Variants in PUF60 observed in about 807,000 individuals in gnomAD.
The protein encoded by PUF60 is poly(U)-binding-splicing factor PUF60.
PUF60 carries 10 observed loss-of-function variants against 61.8 expected under a neutral mutation model. The observed-to-expected ratio is 0.16, with a 90% confidence interval of 0.10 to 0.27. The LOEUF (loss-of-function observed/expected upper bound fraction) is 0.27, where lower values mean the gene tolerates loss of function less well. Among genes scored for constraint, PUF60 ranks in the 10% least tolerant of loss-of-function variants. The probability of loss-of-function intolerance (pLI) is 1.00; values close to 1 mark genes in which losing one functional copy is unlikely to be tolerated. For synonymous variants in PUF60, 353 were observed against 300.9 expected (o/e 1.17, Z -1.79); for missense variants, 371 against 754.0 (o/e 0.49, Z 5.95).
rs878902713 is a variant in PUF60, at chr8:143,817,269, G to C, written c.1144+62C>G. On this transcript the variant is annotated intron_variant, in intron 10 of 11. Transcript: ENST00000526683. The surrounding 1 kb of genome is among the most constrained non-coding windows in gnomAD (Gnocchi z 7.4). ...AGACCACCAGGGCCAGGCAGCTGAG[G>C]GCAGCGAGCCGAGAGATGCCAGGAC... The C allele has an allele frequency of 3.5e-5, 54 of 1,546,842 alleles. No individual in the cohort carries two copies. In the South Asian group the frequency reaches 6.2e-4, roughly 18 times the overall value.
intron 1 of PUF60, chr8:143,824,874 C>T (rs1817469832): frequency 5.5e-6 from 1 of 180,950 alleles, no homozygotes; most frequent in Non-Finnish European, 1.2e-5. Flanking sequence ...CAGTTCTCTC[C>T]TGAAGACACT....
rs1488913231 is a variant in PUF60, at chr8:143,818,852, T to G, written c.349-318A>C. ...CCTCCCACCCAGACCACCCCTCCAG[T>G]CTGGGGGCTGGGTATCCCAGGCTGG... On this transcript the variant is annotated intron_variant, in intron 5 of 11. Transcript: ENST00000526683. This position sits in a 1 kb window ranked among gnomAD's most constrained non-coding sequence, Gnocchi z 7.9. 2.7e-5 allele frequency: 10 copies of G among 371,796 alleles called. No homozygotes were observed. The highest frequency in any genetic ancestry group is 4.9e-5 in the Non-Finnish European group (10 of 205,608). The allele number at this position is 371,796 out of a possible 1,614,324, so 23.0% of individuals were successfully genotyped here.
At chr8:143,824,492 G>T in intron 1 of PUF60, 93 bp from the exon 2 acceptor site, 3 of 1,347,540 alleles carry the variant, frequency 2.2e-6, no homozygotes, top group Non-Finnish European at 3.1e-6. Flanking sequence ...GCTCCTCACG[G>T]ATAAGCAAGG....
At chr8:143,816,866 C>T (rs773729637) in intron 11 of PUF60, 44 bp downstream of exon 11, 3 of 1,561,474 alleles carry the variant, frequency 1.9e-6, no homozygotes, top group East Asian at 4.5e-5. Context: ...TGCGGCCCCG[C>T]CCCCCTACCC....
rs2130383562 is a variant in PUF60 at position 143,824,376 on chromosome 8, C to T, written c.48G>A (p.Gly16=). The T allele has an allele frequency of 6.2e-7, 1 of 1,612,422 alleles. No homozygotes were observed. The highest frequency in any genetic ancestry group is 8.5e-7 in the Non-Finnish European group (1 of 1,179,778). Residue 16 remains glycine (G), a synonymous_variant, in exon 2 of 12, where the codon GGG becomes GGA. Transcript: ENST00000526683. The stretch of plus-strand genomic sequence containing the variant: ...CCGCCGCCGCCGCCGGCTCGGACCC[C>T]CCTCCTTGCTGGCCATTGACCTGCT... ...IALQVNGQQG[G]GSEPAAAAAV...
At chr8:143,828,995 G>A (rs940867862) in intron 1 of PUF60, 14 of 993,162 alleles carry the variant, frequency 1.4e-5, no homozygotes, top group Non-Finnish European at 2.4e-6. Flanking sequence ...TAGCGGACAG[G>A]AACGCAACCC....
At chr8:143,826,452 C>A (rs147805797) in intron 1 of PUF60, among the ~76,000 whole-genome samples, 6 of 152,302 alleles carry the variant, frequency 3.9e-5, no homozygotes, top group African/African-American at 1.4e-4. Context: ...CAGTGGCTCA[C>A]GCCTGTAATC....
chr8:143,816,835 G>C lies in PUF60; in HGVS notation c.1381-16C>G, dbSNP rs766590066. On this transcript the variant is annotated splice_polypyrimidine_tract_variant and intron_variant, in intron 11 of 11. Coordinates refer to ENST00000526683, the MANE Select transcript of PUF60 (RefSeq NM_078480.3). ...TCACTGTAGACTGTGGGGCAGGGCC[G>C]AGGGGAAGACAGCTGAGCACTGCGG... is the stretch of plus-strand genomic sequence containing the variant. 12 of 1,609,122 alleles carry C rather than the reference G, an allele frequency of 7.5e-6. No individual in the cohort carries two copies. The highest frequency in any genetic ancestry group is 4.0e-5 in the African/African-American group (3 of 74,854).
intron 4 of PUF60, among the ~76,000 whole-genome samples, chr8:143,820,981 A>G (rs1454342755): frequency 2.0e-5 from 3 of 151,486 alleles, no homozygotes; most frequent in Non-Finnish European, 1.5e-5. Flanking sequence ...AGTGGAGCAC[A>G]GTGAATGGCC....
intron 2 of PUF60, 34 bp downstream of exon 2, chr8:143,824,279 C>A (rs1017655608): frequency 4.6e-5 from 71 of 1,539,832 alleles, no homozygotes; most frequent in Non-Finnish European, 5.9e-5. Flanking sequence ...GGCAGGCGGG[C>A]GGGCCTGAGG....
Position 143,818,703 on chromosome 8 carries a change from A to C in PUF60, c.349-169T>G. Reference sequence around the variant, plus strand: ...GCAGTCATAGTGTGGGGGTCGCAGGACCCCGCCACCCAAAGAAGGAAGGCC... The same window carrying C: ...GCAGTCATAGTGTGGGGGTCGCAGGCCCCCGCCACCCAAAGAAGGAAGGCC... On this transcript the variant is annotated intron_variant, in intron 5 of 11. Transcript: ENST00000526683. The surrounding 1 kb of genome is among the most constrained non-coding windows in gnomAD (Gnocchi z 7.9). 1 of 702,864 alleles carries C rather than the reference A, an allele frequency of 1.4e-6. No individual in the cohort carries two copies. The highest frequency in any genetic ancestry group is 2.3e-6 in the Non-Finnish European group (1 of 440,140). 43.5% of individuals were successfully genotyped at this position (702,864 alleles called of 1,614,324 possible). A position where few individuals can be genotyped will look rare whatever the true frequency, so the allele number is the denominator to read the frequency against.
At position 143,821,895 on chromosome 8, in the gene PUF60, T is replaced by C. The variant is rs1586591587; in HGVS notation, c.130A>G (p.Met44Val). The C allele has an allele frequency of 1.2e-6, 2 of 1,606,044 alleles. No individual in the cohort carries two copies. Among genetic ancestry groups the C allele is most frequent in the Non-Finnish European group, 1.7e-6 (2 of 1,177,744 alleles). The change falls in exon 3 of 12, where the codon ATG (methionine) becomes GTG (valine). Residue 44 changes from methionine to valine, a missense_variant. Met to Val is a conservative substitution (Grantham distance 21). Around this residue, in one of 13 missense-constraint regions of PUF60, gnomAD observed 69 missense variants for 64.7 expected, o/e 1.07. Transcript: ENST00000526683. ...GCGGCTGTGCTCTGCCCGTTCTCCATCTTGATGGAGTCTGTGCCCTGGTAA... is the reference window on the plus strand; with the variant it reads ...GCGGCTGTGCTCTGCCCGTTCTCCACCTTGATGGAGTCTGTGCCCTGGTAA... ...KPPQGTDSIK[M>V]ENGQSTAAKL...
chr8:143,821,745 C>G (rs1817041563), intron 3 of PUF60, 59 bp from the exon 4 acceptor site: 1 of 1,545,114 alleles, frequency 6.5e-7, no homozygotes. Context: ...CAGGCCTGCC[C>G]CGCACCCCGC....
At chr8:143,828,899 G>A (rs1817969181) in intron 1 of PUF60, 1 of 983,024 alleles carries the variant, frequency 1.0e-6, no homozygotes, top group Admixed American at 6.1e-5. Context: ...AGGCCCACGC[G>A]TCACCCCCAG....
chr8:143,829,210 G>A (rs1439374579), intron 1 of PUF60, 70 bp downstream of exon 1: 2 of 1,233,236 alleles, frequency 1.6e-6, no homozygotes, highest in Admixed American at 4.2e-5. Flanking sequence ...GGCCCTCCGC[G>A]CCCAGGCTGG....
chr8:143,824,357 C>A lies in PUF60; in HGVS notation c.67G>T (p.Ala23Ser). 1 of 1,612,632 alleles carries A rather than the reference C, an allele frequency of 6.2e-7. No individual in the cohort carries two copies. Among genetic ancestry groups the A allele is most frequent in the Non-Finnish European group, 8.5e-7 (1 of 1,179,762 alleles). The stretch of plus-strand genomic sequence containing the variant: ...TCTCCCGCTGCCACCACTGCCGCCG[C>A]CGCCGCCGGCTCGGACCCCCCTCCT... ...QQGGGSEPAA[A>S]AAVVAAGDKW... Residue 23 changes from alanine (A) to serine (S), a missense_variant, in exon 2 of 12, where the codon GCG (alanine) becomes TCG (serine). Coordinates refer to ENST00000526683, the MANE Select transcript of PUF60 (RefSeq NM_078480.3).
chr8:143,824,447 G>A (rs1051403246), intron 1 of PUF60, 48 bp from the exon 2 acceptor site: 3 of 1,572,936 alleles, frequency 1.9e-6, no homozygotes, highest in South Asian at 1.1e-5. Context: ...CCACCCCACC[G>A]CCCAGGCCTG....
intron 1 of PUF60, 131 bp downstream of exon 1, chr8:143,829,149 G>T (rs1818012041): frequency 1.7e-6 from 2 of 1,210,480 alleles, no homozygotes; most frequent in Non-Finnish European, 2.1e-6. Context: ...CGCGACCCGG[G>T]GACACGAGGG....
intron 1 of PUF60, among the ~76,000 whole-genome samples, chr8:143,828,804 G>A (rs1364645960): frequency 2.0e-5 from 3 of 152,190 alleles, no homozygotes; most frequent in African/African-American, 7.2e-5. Context: ...CACAGCTGCA[G>A]GCGTAGTGAG....
Sources: gnomAD v4.1 joint callset for allele counts (sites outside exome capture counted in the v4.1 genomes callset) on GRCh38, gnomAD v4.1.1 for gene constraint, gnomAD v4.1.1 regional missense constraint, Gnocchi (gnomAD v3.1) non-coding constraint, MANE v1.5 for transcripts, NCBI Gene and HGNC (gene_info 2026-07-23, HGNC 2026-07-21) for gene names.